Variants in TBX19 observed in about 807,000 individuals in gnomAD.
TBX19 encodes the protein T-box transcription factor 19.
A neutral mutation model predicts 40.9 loss-of-function variants in TBX19; 33 were observed. That is an observed-to-expected ratio of 0.81 (90% CI 0.61 to 1.08). TBX19 has a LOEUF of 1.08. TBX19 is among the 50% of genes least tolerant of loss of function. TBX19 has a pLI of 0.00. For synonymous variants in TBX19, 220 were observed against 225.0 expected (o/e 0.98, Z 0.20); for missense variants, 494 against 574.0 (o/e 0.86, Z 1.42).
Position 168,291,460 on chromosome 1 carries a change from C to T in TBX19, c.468+36C>T, listed in dbSNP as rs112745393. The T allele has an allele frequency of 5.4e-4, 875 of 1,613,854 alleles. 8 individuals carry two copies. The African/African-American group carries it at 9.6e-3, about 18-fold the overall frequency. The stretch of plus-strand genomic sequence containing the variant: ...GGCGGGCAGGCCTGGCCACCCGCTC[C>T]GGCCTCCCCACAACACCAATCAAGA... On this transcript the variant is annotated intron_variant, in intron 2 of 7. Transcript: ENST00000367821.
At chr1:168,288,723 ACTTTT>A (rs1468251908) in intron 1 of TBX19, among the ~76,000 whole-genome samples, 1 of 151,908 alleles carries the variant, frequency 6.6e-6, no homozygotes, top group Admixed American at 6.6e-5. Context: ...TTTTGTTCTT[ACTTTT>A]ATGTGTACTA....
chr1:168,295,150 G>C (rs958132047), intron 3 of TBX19, among the ~76,000 whole-genome samples: 1 of 152,138 alleles, frequency 6.6e-6, no homozygotes, highest in South Asian at 2.1e-4. Flanking sequence ...AATTAGCTGG[G>C]TGCAGTGGCG....
chr1:168,305,970 T>C (rs1353157586), intron 6 of TBX19, among the ~76,000 whole-genome samples: 2 of 152,196 alleles, frequency 1.3e-5, no homozygotes, highest in Non-Finnish European at 2.9e-5. Context: ...GCCCTGCCCT[T>C]ACGGAGATTC....
intron 2 of TBX19, among the ~76,000 whole-genome samples, chr1:168,292,796 G>A (rs1046888634): frequency 5.3e-5 from 8 of 150,974 alleles, no homozygotes; most frequent in East Asian, 1.9e-4. Context: ...CCCGGGAGGC[G>A]GAGCTTGCAG....
intron 3 of TBX19, among the ~76,000 whole-genome samples, chr1:168,296,708 C>A (rs766777228): frequency 6.6e-6 from 1 of 152,110 alleles, no homozygotes; most frequent in Non-Finnish European, 1.5e-5. Context: ...CAGATCCTTG[C>A]TGACATAAAT....
intron 2 of TBX19, 139 bp downstream of exon 2, chr1:168,291,563 G>T (rs1648945171): frequency 1.6e-6 from 2 of 1,221,946 alleles, no homozygotes; most frequent in Non-Finnish European, 2.4e-6. Context: ...ATTCCCGGGA[G>T]TCCAAATGTA....
chr1:168,285,126 C>T (rs929616357), intron 1 of TBX19, among the ~76,000 whole-genome samples: 3 of 152,050 alleles, frequency 2.0e-5, no homozygotes, highest in Admixed American at 2.0e-4. Context: ...ATGTAATCTG[C>T]CTTTAACCAG....
At chr1:168,311,874 A>C (rs550531062) in intron 7 of TBX19, among the ~76,000 whole-genome samples, 65 of 152,298 alleles carry the variant, frequency 4.3e-4, no homozygotes, top group Non-Finnish European at 7.5e-4. Flanking sequence ...GCTGCATGCC[A>C]GATCAGTTCA....
At chr1:168,293,452 C>A (rs1649006083) in intron 3 of TBX19, among the ~76,000 whole-genome samples, 174 bp downstream of exon 3, 1 of 152,118 alleles carries the variant, frequency 6.6e-6, no homozygotes, top group Non-Finnish European at 1.5e-5. Flanking sequence ...TGCTCTCCCT[C>A]CCTCTTGGCT....
chr1:168,310,407 G>T (rs1332547114), intron 7 of TBX19, among the ~76,000 whole-genome samples: 1 of 152,068 alleles, frequency 6.6e-6, no homozygotes. Context: ...AATCACCTGG[G>T]GTTGTTGTTA....
At chr1:168,308,275 C>T (rs938225386) in intron 6 of TBX19, 5 of 192,768 alleles carry the variant, frequency 2.6e-5, no homozygotes, top group African/African-American at 4.7e-5. Flanking sequence ...GGCACCATGC[C>T]GGGCCAAAAG....
In TBX19 at chr1:168,308,784, C is replaced by T. The variant is rs772038103; in HGVS notation, c.959C>T (p.Ser320Leu). The T allele has an allele frequency of 4.8e-5, 77 of 1,613,964 alleles. No homozygotes were observed. Among genetic ancestry groups the T allele is most frequent in the East Asian group, 8.9e-5 (4 of 44,886 alleles). The change falls in exon 7 of 8, where the codon TCG becomes TTG. Residue 320 changes from serine (S) to leucine (L), a missense_variant. By Grantham distance (145) the Ser-to-Leu change is moderately radical. Transcript: ENST00000367821. ...TCAAGCAATAATCTGCAAGTTTTCT[C>T]GGGACCTGACAGCTGGACTTCCTTA... ...ESSSNNLQVF[S>L]GPDSWTSLSS...
At chr1:168,303,918 G>A (rs959070295) in intron 5 of TBX19, among the ~76,000 whole-genome samples, 5 of 152,138 alleles carry the variant, frequency 3.3e-5, no homozygotes, top group African/African-American at 1.2e-4. Context: ...CATTTTCATT[G>A]CCATCTTGGT....
At chr1:168,309,663 C>G (rs1466395196) in intron 7 of TBX19, among the ~76,000 whole-genome samples, 2 of 152,152 alleles carry the variant, frequency 1.3e-5, no homozygotes, top group Non-Finnish European at 2.9e-5. Flanking sequence ...AATCCTCACA[C>G]TAGCAACCTG....
At chr1:168,291,530 C>A in intron 2 of TBX19, 106 bp downstream of exon 2, 1 of 1,502,010 alleles carries the variant, frequency 6.7e-7, no homozygotes, top group Non-Finnish European at 9.2e-7. Flanking sequence ...CCTCACCAGC[C>A]TCTTCTCCCA....
At chr1:168,302,327 T>G (rs931767227) in intron 5 of TBX19, among the ~76,000 whole-genome samples, 2 of 152,346 alleles carry the variant, frequency 1.3e-5, no homozygotes, top group Admixed American at 6.5e-5. Flanking sequence ...TTGTACAATT[T>G]GCTTACTTGT....
At position 168,312,899 on chromosome 1, in the gene TBX19, G is replaced by C; in HGVS notation, c.1244G>C (p.Ser415Thr). The C allele has an allele frequency of 6.2e-7, 1 of 1,614,250 alleles. No homozygotes were observed. Among genetic ancestry groups the C allele is most frequent in the Non-Finnish European group, 8.5e-7 (1 of 1,180,046 alleles). The change falls in exon 8 of 8, where the codon AGC becomes ACC. Residue 415 changes from serine (S) to threonine (T), a missense_variant. Ser to Thr is a moderately conservative substitution (Grantham distance 58). Around this residue, in one of 3 missense-constraint regions of TBX19, gnomAD observed 284 missense variants for 307.3 expected, o/e 0.92. Coordinates refer to ENST00000367821, the MANE Select transcript of TBX19 (RefSeq NM_005149.3). The stretch of plus-strand genomic sequence containing the variant: ...GTTCTGGGGGAGCCCTCGCTAACCA[G>C]CATTGCTGTGTCCACCTGGACAGCA... Reference protein sequence around the residue: ...VEVLGEPSLTSIAVSTWTAVA... With the variant: ...VEVLGEPSLTTIAVSTWTAVA...
chr1:168,284,259 T>C (rs1451166223), intron 1 of TBX19, among the ~76,000 whole-genome samples: 1 of 152,244 alleles, frequency 6.6e-6, no homozygotes, highest in Non-Finnish European at 1.5e-5. Context: ...AATACCTCCT[T>C]AGAGCTCATT....
chr1:168,284,478 C>A (rs1648753756), intron 1 of TBX19, among the ~76,000 whole-genome samples: 1 of 151,912 alleles, frequency 6.6e-6, no homozygotes, highest in African/African-American at 2.4e-5. Context: ...AGTTTGAAAC[C>A]AGACTGGGCA....
Sources: allele counts gnomAD v4.1 joint callset (sites outside exome capture counted in the v4.1 genomes callset), GRCh38; gene constraint gnomAD v4.1.1; regional missense constraint gnomAD v4.1.1; transcripts MANE v1.5; gene names NCBI Gene and HGNC (gene_info 2026-07-23, HGNC 2026-07-21).